GSDMC: variants seen among roughly 807,000 people sequenced by gnomAD.
GSDMC encodes gasdermin-C.
Under a neutral mutation model 58.0 loss-of-function variants are expected in GSDMC, and 59 were observed. The ratio of observed to expected loss-of-function variants is 1.02; its 90% CI spans 0.82 to 1.26. GSDMC has a LOEUF of 1.26. GSDMC is among the 50% of genes most tolerant of loss of function. GSDMC has a pLI of 0.00. For synonymous variants in GSDMC, 241 were observed against 220.2 expected, an observed-to-expected ratio of 1.09 and a Z score of -0.83; for missense variants, 659 against 598.5, an observed-to-expected ratio of 1.10 and a Z score of -1.06.
rs1331738948 is a variant in GSDMC at position 129,752,143 on chromosome 8, T to C, written c.849A>G (p.Leu283=). ...CGCTCAAAAATTGCTGTGTCAGAAA[T>C]AGCTCTGGAAAGAGAAAGAAAAGTG... ...SSNDMKLKPE[L]FLTQQFLSGH... Residue 283 remains leucine, a synonymous_variant, in exon 8 of 14, where the codon CTA becomes CTG. Coordinates refer to ENST00000276708, the MANE Select transcript of GSDMC (RefSeq NM_031415.3). The C allele has an allele frequency of 6.2e-7, 1 of 1,612,604 alleles. No homozygotes were observed. Among genetic ancestry groups the C allele is most frequent in the Admixed American group, 1.7e-5 (1 of 59,994 alleles).
intron 6 of GSDMC, among the ~76,000 whole-genome samples, chr8:129,754,739 T>A (rs1473906765): frequency 1.3e-5 from 2 of 152,202 alleles, no homozygotes; most frequent in African/African-American, 4.8e-5. Context: ...CAGAATTCTA[T>A]CAGGCACATT....
chr8:129,773,469 T>A (rs768081314), intron 3 of GSDMC, among the ~76,000 whole-genome samples: 39 of 152,110 alleles, frequency 2.6e-4, no homozygotes, highest in Non-Finnish European at 5.1e-4. Context: ...TTTCTATAAA[T>A]TAACAATGAA....
At chr8:129,753,325 A>G (rs1325706347) in intron 6 of GSDMC, among the ~76,000 whole-genome samples, 2 of 152,180 alleles carry the variant, frequency 1.3e-5, no homozygotes, top group Admixed American at 1.3e-4. Context: ...GTAGGACAGG[A>G]GACTGGGTAG....
At chr8:129,705,767 G>A in the GSDMC span, among the ~76,000 whole-genome samples, 1 of 152,152 alleles carries the variant, frequency 6.6e-6, no homozygotes, top group Non-Finnish European at 1.5e-5. Flanking sequence ...ATGGTTAATT[G>A]GATGCAGAGA....
chr8:129,725,454 T>C, the GSDMC span, among the ~76,000 whole-genome samples: 7 of 152,324 alleles, frequency 4.6e-5, no homozygotes, highest in East Asian at 1.3e-3. Context: ...GCCTGGCATC[T>C]CAGTTACTTA....
At chr8:129,742,076 A>C in the GSDMC span, among the ~76,000 whole-genome samples, 1 of 151,096 alleles carries the variant, frequency 6.6e-6, no homozygotes, top group Non-Finnish European at 1.5e-5. Context: ...CTTATATGAA[A>C]AATTTTTAAG....
the GSDMC span, among the ~76,000 whole-genome samples, chr8:129,737,178 G>T: frequency 5.3e-5 from 8 of 152,088 alleles, no homozygotes; most frequent in Admixed American, 4.6e-4. Flanking sequence ...ATGCTCATGG[G>T]TAGGAAGAAT....
chr8:129,756,745 T>C (rs1415143447), intron 6 of GSDMC, among the ~76,000 whole-genome samples: 2 of 151,816 alleles, frequency 1.3e-5, no homozygotes, highest in Non-Finnish European at 1.5e-5. Flanking sequence ...AAATCAACAA[T>C]AAGAGGAATT....
Position 129,780,672 on chromosome 8 carries a change from T to C in GSDMC, c.-4-3081A>G, listed in dbSNP as rs117757564. ...AGTTGTTCTATCTGAAAGAAAATGATGTTAATGAGCAAGAAGAAATCATCT... is the reference window on the plus strand; with the variant it reads ...AGTTGTTCTATCTGAAAGAAAATGACGTTAATGAGCAAGAAGAAATCATCT... On this transcript the variant is annotated intron_variant, in intron 1 of 13. Transcript: ENST00000276708. 5.1e-3 allele frequency among the ~76,000 whole-genome samples: 772 copies of C among 152,260 alleles called. 2 individuals are homozygous for C. Among genetic ancestry groups the C allele is most frequent in the Non-Finnish European group, 9.0e-3 (613 of 67,998 alleles).
In GSDMC at chr8:129,749,977, T is replaced by C; in HGVS notation, c.1213+13A>G. 1 of 1,574,916 alleles carries C rather than the reference T, an allele frequency of 6.3e-7. No homozygotes were observed. Among genetic ancestry groups the C allele is most frequent in the Non-Finnish European group, 8.6e-7 (1 of 1,166,248 alleles). On this transcript the variant is annotated intron_variant, in intron 12 of 13. Transcript: ENST00000276708. ...CTTGTGATTCTCCCATTCTTCCCTTTAATTACTCTTACCCATTATGGCTTC... is the reference window on the plus strand; with the variant it reads ...CTTGTGATTCTCCCATTCTTCCCTTCAATTACTCTTACCCATTATGGCTTC...
the GSDMC span, chr8:129,729,900 C>A: frequency 8.1e-7 from 1 of 1,237,876 alleles, no homozygotes; most frequent in South Asian, 1.2e-5. Flanking sequence ...TGAGATTAAT[C>A]TGGTGACTAA....
chr8:129,707,122 G>A, the GSDMC span: 2 of 152,022 alleles, frequency 1.3e-5, no homozygotes, highest in South Asian at 4.2e-4. Context: ...GATGCCCAGT[G>A]CCTGGAAGGA....
intron 10 of GSDMC, 65 bp downstream of exon 10, chr8:129,751,477 A>G: frequency 1.4e-6 from 2 of 1,382,800 alleles, no homozygotes; most frequent in South Asian, 2.5e-5. Context: ...GAAACCACCA[A>G]CTTGGGTGCT....
intron 10 of GSDMC, 141 bp downstream of exon 10, chr8:129,751,401 A>C: frequency 2.9e-6 from 2 of 681,658 alleles, no homozygotes; most frequent in Non-Finnish European, 5.2e-6. Context: ...AGTCCTCAAT[A>C]AATGTTTGTT....
the GSDMC span, among the ~76,000 whole-genome samples, chr8:129,708,624 T>C: frequency 1.3e-5 from 2 of 152,264 alleles, no homozygotes; most frequent in Admixed American, 1.3e-4. Context: ...ATAGTTGTCA[T>C]GGGAACGGAA....
chr8:129,747,333 C>T (rs6470778), downstream of GSDMC, among the ~76,000 whole-genome samples: 48,678 of 151,112 alleles, frequency 0.32, 11,141 homozygotes, highest in African/African-American at 0.63. Context: ...TGGCAATTTA[C>T]AAATAATAAA....
chr8:129,732,356 C>T, the GSDMC span, among the ~76,000 whole-genome samples: 15 of 150,126 alleles, frequency 1.0e-4, no homozygotes, highest in East Asian at 2.9e-3. Context: ...AGACCCTACC[C>T]AGCATTCTCT....
chr8:129,761,094 T>C (rs1437311149), intron 5 of GSDMC, among the ~76,000 whole-genome samples: 1 of 152,198 alleles, frequency 6.6e-6, no homozygotes, highest in African/African-American at 2.4e-5. Context: ...CAGCAGTGAC[T>C]GCAAGTCATG....
At chr8:129,778,378 A>G (rs971095326) in intron 1 of GSDMC, among the ~76,000 whole-genome samples, 2 of 152,206 alleles carry the variant, frequency 1.3e-5, no homozygotes, top group African/African-American at 2.4e-5. Flanking sequence ...CATTCAATAA[A>G]TGGTGCTGGG....
Sources: allele counts gnomAD v4.1 joint callset (sites outside exome capture counted in the v4.1 genomes callset), GRCh38; gene constraint gnomAD v4.1.1; transcripts MANE v1.5; gene names NCBI Gene and HGNC (gene_info 2026-07-23, HGNC 2026-07-21).